Variants in POLD3 observed in about 807,000 individuals in gnomAD.
The protein encoded by POLD3 is DNA polymerase delta subunit 3.
Under a neutral mutation model 58.2 loss-of-function variants are expected in POLD3, and 19 were observed. That is an observed-to-expected ratio of 0.33 (90% CI 0.23 to 0.48). The LOEUF (loss-of-function observed/expected upper bound fraction) is 0.48. POLD3 is among the 20% of genes least tolerant of loss of function. The pLI is 0.99. For synonymous variants in POLD3, 172 were observed against 193.5 expected, an observed-to-expected ratio of 0.89 and a Z score of 0.92; for missense variants, 504 against 545.5, an observed-to-expected ratio of 0.92 and a Z score of 0.76.
At chr11:74,613,155 A>G in intron 5 of POLD3, 145 bp downstream of exon 5, 2 of 735,390 alleles carry the variant, frequency 2.7e-6, no homozygotes. Flanking sequence ...TTTTATTAGT[A>G]CATCATAAGG....
exon 5 of POLD3, chr11:74,668,785 G>A (rs1034660479): frequency 1.6e-6 from 2 of 1,288,652 alleles, no homozygotes; most frequent in Admixed American, 4.6e-5. Flanking sequence ...AGTGGTGCTG[G>A]ACATGCAGTC....
chr11:74,629,165 C>A, intron 8 of POLD3, 52 bp from the exon 9 acceptor site: 1 of 1,066,324 alleles, frequency 9.4e-7, no homozygotes, highest in Non-Finnish European at 1.4e-6. Context: ...CATGTGAATA[C>A]TTACATTTTT....
At chr11:74,645,674 TTTGACACCTATTA>T (rs1316652785), downstream of POLD3, among the ~76,000 whole-genome samples, 1 of 152,224 alleles carries the variant, frequency 6.6e-6, no homozygotes, top group East Asian at 1.9e-4. Context: ...TCCCCAGTAT[TTTGACACCTATTA>T]AACTAATACA....
chr11:74,636,419 G>A, intron 11 of POLD3, 144 bp downstream of exon 11: 2 of 741,346 alleles, frequency 2.7e-6, no homozygotes, highest in Non-Finnish European at 4.5e-6. Flanking sequence ...GTTTGTCTAT[G>A]GCATACACTT....
intron 4 of POLD3, among the ~76,000 whole-genome samples, chr11:74,660,778 T>A (rs1175939344): frequency 6.6e-6 from 1 of 152,200 alleles, no homozygotes; most frequent in African/African-American, 2.4e-5. Context: ...GTAAGTTTCC[T>A]GAGGCCTCCC....
Position 74,592,601 on chromosome 11 carries a change from G to A in POLD3, c.-58G>A, listed in dbSNP as rs561986878. 14 of 1,603,978 alleles carry A rather than the reference G, an allele frequency of 8.7e-6. No homozygotes were observed. In the South Asian group the frequency reaches 1.5e-4, roughly 18 times the overall value. ...GGGAGCAAAGACGTTTCCCGCCGGC[G>A]GGAGCTGTGGCTGTGATTGAGAGAG... On this transcript the variant is annotated 5_prime_UTR_variant, in exon 1 of 12. Coordinates refer to ENST00000263681, the MANE Select transcript of POLD3 (RefSeq NM_006591.3).
intron 2 of POLD3, among the ~76,000 whole-genome samples, chr11:74,599,043 T>G (rs2031384693): frequency 6.6e-6 from 1 of 152,228 alleles, no homozygotes; most frequent in Non-Finnish European, 1.5e-5. Flanking sequence ...ATGGTTTATG[T>G]TTGTTTTGAG....
At chr11:74,629,078 C>G in intron 8 of POLD3, 139 bp from the exon 9 acceptor site, 1 of 566,510 alleles carries the variant, frequency 1.8e-6, no homozygotes, top group Non-Finnish European at 3.1e-6. Flanking sequence ...TAACAAGAGT[C>G]CTTCTTGGAC....
Position 74,643,067 on chromosome 11 carries a change from C to A in POLD3, c.*2301C>A. 1 of 366,100 alleles carries A rather than the reference C, an allele frequency of 2.7e-6. No homozygotes were observed. The highest frequency in any genetic ancestry group is 3.8e-6 in the Non-Finnish European group (1 of 264,230). 22.7% of individuals were successfully genotyped at this position (366,100 alleles called of 1,614,324 possible). ...AACTAAAATGAGTTACCAAGGGTGTCAAGACTAAAGTCAAGTGTATGTAGC... is the reference window on the plus strand; with the variant it reads ...AACTAAAATGAGTTACCAAGGGTGTAAAGACTAAAGTCAAGTGTATGTAGC... On this transcript the variant is annotated 3_prime_UTR_variant, in exon 12 of 12. Transcript: ENST00000263681.
intron 9 of POLD3, among the ~76,000 whole-genome samples, chr11:74,634,301 AT>A (rs1466002018): frequency 6.6e-6 from 1 of 152,248 alleles, no homozygotes; most frequent in African/African-American, 2.4e-5. Context: ...CGATAAGTGG[AT>A]ATTTGTAAAC....
chr11:74,665,686 C>CA (rs1361547376), intron 4 of POLD3, among the ~76,000 whole-genome samples: 1 of 152,076 alleles, frequency 6.6e-6, no homozygotes, highest in Non-Finnish European at 1.5e-5. Flanking sequence ...AGGCATGAGC[C>CA]ACCATGCCTG....
chr11:74,663,513 A>G (rs1215041535), intron 4 of POLD3, among the ~76,000 whole-genome samples: 1 of 152,262 alleles, frequency 6.6e-6, no homozygotes, highest in Non-Finnish European at 1.5e-5. Context: ...GTGTTGACAT[A>G]AAGATAGAAA....
Position 74,610,207 on chromosome 11 carries a change from CT to C in POLD3, c.220-1278del, listed in dbSNP as rs921257855. On this transcript the variant is annotated intron_variant, in intron 3 of 11. Transcript: ENST00000263681. ...GAACTGTCTGTTCCTACCACTTGCC[CT>C]TTTTTTTTTTTTTCCTTTTTTGAGA... Among the ~76,000 whole-genome samples the C allele has an allele frequency of 6.3e-3, 889 of 141,814 alleles. 5 individuals carry two copies. Among genetic ancestry groups the C allele is most frequent in the African/African-American group, 0.013 (491 of 39,074 alleles). 93.0% of individuals were successfully genotyped at this position (141,814 alleles called of 152,430 possible). A position where few individuals can be genotyped will look rare whatever the true frequency, so the allele number is the denominator to read the frequency against.
intron 4 of POLD3, among the ~76,000 whole-genome samples, chr11:74,612,116 G>A (rs939315745): frequency 6.6e-6 from 1 of 152,174 alleles, no homozygotes; most frequent in African/African-American, 2.4e-5. Flanking sequence ...ACTGAGGAGG[G>A]TGGAGGGCAG....
chr11:74,642,179 A>G lies in POLD3; in HGVS notation c.*1413A>G. 2 of 985,472 alleles carry G rather than the reference A, an allele frequency of 2.0e-6. No homozygotes were observed. The highest frequency in any genetic ancestry group is 2.4e-6 in the Non-Finnish European group (2 of 829,938). The allele number at this position is 985,472 out of a possible 1,614,324, so 61.0% of individuals were successfully genotyped here. A position where few individuals can be genotyped will look rare whatever the true frequency, so the allele number is the denominator to read the frequency against. On this transcript the variant is annotated 3_prime_UTR_variant, in exon 12 of 12. Coordinates refer to ENST00000263681, the MANE Select transcript of POLD3 (RefSeq NM_006591.3). ...GGATTGTGCTGACTTTGGGATTAAC[A>G]TGAGCTTCTTTAGCAACCAAGCATG... is the stretch of plus-strand genomic sequence containing the variant.
At chr11:74,605,490 C>T (rs1418236016) in intron 3 of POLD3, among the ~76,000 whole-genome samples, 4 of 152,278 alleles carry the variant, frequency 2.6e-5, no homozygotes, top group African/African-American at 9.6e-5. Context: ...ATCTTGTTCC[C>T]TCTCCTGCAC....
intron 11 of POLD3, chr11:74,638,714 A>G (rs1052045176): frequency 1.1e-5 from 5 of 453,644 alleles, no homozygotes; most frequent in Non-Finnish European, 2.2e-5. Context: ...TCTTAGAGCA[A>G]CATTTCTCAA....
Position 74,640,773 on chromosome 11 carries a change from A to C in POLD3, c.*7A>C. 1 of 1,575,378 alleles carries C rather than the reference A, an allele frequency of 6.3e-7. No homozygotes were observed. The highest frequency in any genetic ancestry group is 8.6e-7 in the Non-Finnish European group (1 of 1,164,820). ...CTTCTTCCAGAGGAAATAAACTGCC[A>C]TCTCTGGTAGATCAGAGACTTGGAG... On this transcript the variant is annotated 3_prime_UTR_variant, in exon 12 of 12. Coordinates refer to ENST00000263681, the MANE Select transcript of POLD3 (RefSeq NM_006591.3).
intron 7 of POLD3, 144 bp downstream of exon 7, chr11:74,620,233 A>G (rs754391180): frequency 1.2e-5 from 8 of 647,096 alleles, no homozygotes; most frequent in African/African-American, 7.3e-5. Context: ...GTACTGCCCA[A>G]TATATTGATG....
Sources: allele counts gnomAD v4.1 joint callset (sites outside exome capture counted in the v4.1 genomes callset), GRCh38; gene constraint gnomAD v4.1.1; transcripts MANE v1.5; gene names NCBI Gene and HGNC (gene_info 2026-07-23, HGNC 2026-07-21).